SMYD4: variants seen among roughly 807,000 people sequenced by gnomAD.
SMYD4 encodes the protein SET and MYND domain containing 4, also known as protein-lysine N-methyltransferase SMYD4.
SMYD4 carries 68 observed loss-of-function variants against 72.8 expected under a neutral mutation model. That is an observed-to-expected ratio of 0.93 (90% confidence interval 0.77 to 1.14). The LOEUF (loss-of-function observed/expected upper bound fraction) is 1.14, where lower values mean the gene tolerates loss of function less well. SMYD4 is among the 50% of genes most tolerant of loss of function. The pLI, the probability that SMYD4 is intolerant of heterozygous loss-of-function variation, is 0.00. For synonymous variants in SMYD4, 407 were observed against 388.6 expected (o/e 1.05, Z -0.56); for missense variants, 984 against 1,003.7 (o/e 0.98, Z 0.27).
chr17:1,781,542 A>G, intron 10 of SMYD4, 103 bp from the exon 11 acceptor site: 1 of 1,350,538 alleles, frequency 7.4e-7, no homozygotes, highest in Non-Finnish European at 1.0e-6. Context: ...CATTTCTGTC[A>G]TCAAGGATCC....
intron 4 of SMYD4, chr17:1,804,316 G>A (rs139844418): frequency 1.1e-3 from 288 of 265,284 alleles, no homozygotes; most frequent in African/African-American, 6.0e-3. Context: ...GACTACAGAT[G>A]CATGCTACTA....
Position 1,800,577 on chromosome 17 carries a change from C to T in SMYD4, c.817G>A (p.Glu273Lys), listed in dbSNP as rs1340752094. Residue 273 changes from glutamate (E) to lysine (K), a missense_variant, in exon 5 of 11, where the codon GAA becomes AAA. By Grantham distance (56) the Glu-to-Lys change is moderately conservative. Coordinates refer to ENST00000305513, the MANE Select transcript of SMYD4 (RefSeq NM_052928.3). ...AGGCCGTGATGCGGTGGTGGCAGTT[C>T]TCCTGGGTTGAGAACACTCACAAAA... The part of the protein sequence containing the change: ...DAFVSVLNPG[E>K]LPPPHHGLDS... 5 of 1,614,080 alleles carry T rather than the reference C, an allele frequency of 3.1e-6. No individual in the cohort carries two copies. The Admixed American group carries it at 8.3e-5, about 27-fold the overall frequency.
chr17:1,826,491 C>CAAAAAAAAAAAAAAAAA (rs111636314), intron 2 of SMYD4, among the ~76,000 whole-genome samples: 4 of 103,056 alleles, frequency 3.9e-5, no homozygotes, highest in African/African-American at 6.3e-5. Flanking sequence ...AAACTCTGTC[C>CAAAAAAAAAAAAAAAAA]AAAAAAAAAA....
In SMYD4 at chr17:1,825,285, G is replaced by C. The variant is rs1001343750; in HGVS notation, c.134+2576C>G. The stretch of plus-strand genomic sequence containing the variant: ...ATAGTACACAAAATCAATTGGAGAT[G>C]TATACATACATCATAACATAATGTT... On this transcript the variant is annotated intron_variant, in intron 2 of 10. Coordinates refer to ENST00000305513, the MANE Select transcript of SMYD4 (RefSeq NM_052928.3). 2.0e-5 allele frequency among the ~76,000 whole-genome samples: 3 copies of C among 152,140 alleles called. 1 individual carries two copies. The highest frequency in any genetic ancestry group is 2.0e-4 in the Admixed American group (3 of 15,268).
intron 2 of SMYD4, among the ~76,000 whole-genome samples, chr17:1,815,140 T>C (rs1710743572): frequency 6.6e-6 from 1 of 151,922 alleles, no homozygotes; most frequent in African/African-American, 2.4e-5. Flanking sequence ...CTCGGCTCAC[T>C]GCAACATCTG....
intron 4 of SMYD4, among the ~76,000 whole-genome samples, chr17:1,802,427 G>T (rs1358501221): frequency 6.6e-6 from 1 of 152,086 alleles, no homozygotes; most frequent in African/African-American, 2.4e-5. Context: ...CCAGGAGTTT[G>T]AGATCACAGT....
At chr17:1,784,259 T>C in intron 8 of SMYD4, 67 bp downstream of exon 8, 2 of 1,604,990 alleles carry the variant, frequency 1.2e-6, no homozygotes, top group Non-Finnish European at 1.7e-6. Flanking sequence ...TATCCCTGAG[T>C]CCAAAACGGT....
intron 4 of SMYD4, among the ~76,000 whole-genome samples, chr17:1,801,592 G>A (rs113362285): frequency 0.023 from 2,338 of 100,376 alleles, 31 homozygotes; most frequent in Non-Finnish European, 0.037. Context: ...ATGAATAGAA[G>A]AATTATAGCA....
chr17:1,800,295 T>C lies in SMYD4; in HGVS notation c.1099A>G (p.Ile367Val), dbSNP rs765771127. Reference sequence around the variant, plus strand: ...CTAATCTTATCACAAAGCTTCGTTATGATTTTGCGAACATCCTCAAATCCC... The same window carrying C: ...CTAATCTTATCACAAAGCTTCGTTACGATTTTGCGAACATCCTCAAATCCC... ...LVGFEDVRKI[I>V]TKLCDKISNK... The change falls in exon 5 of 11, where the codon ATA (isoleucine) becomes GTA (valine). Residue 367 changes from isoleucine (I) to valine (V), a missense_variant. Coordinates refer to ENST00000305513, the MANE Select transcript of SMYD4 (RefSeq NM_052928.3). The C allele has an allele frequency of 1.1e-5, 18 of 1,614,084 alleles. No homozygotes were observed. In the African/African-American group the frequency reaches 1.2e-4, roughly 11 times the overall value.
At chr17:1,789,745 A>T (rs1908916534) in intron 5 of SMYD4, among the ~76,000 whole-genome samples, 1 of 112,962 alleles carries the variant, frequency 8.9e-6, no homozygotes, top group Non-Finnish European at 1.9e-5. Flanking sequence ...AGCCTGGGTG[A>T]AAGAGCGAGA....
At chr17:1,783,737 C>T (rs1442433910) in intron 8 of SMYD4, 3 of 542,236 alleles carry the variant, frequency 5.5e-6, no homozygotes, top group Non-Finnish European at 9.6e-6. Flanking sequence ...ACTCGACCAA[C>T]TCTACCTTTC....
chr17:1,800,643 T>C lies in SMYD4; in HGVS notation c.751A>G (p.Lys251Glu), dbSNP rs1442099381. Reference protein sequence around the residue: ...PLKGRCLVATKDILPGELLVQ... With the variant: ...PLKGRCLVATEDILPGELLVQ... ...AGGAGCTCTCCTGGGAGAATATCTT[T>C]TGTGGCAACGAGACAGCGACCTTTT... is the stretch of plus-strand genomic sequence containing the variant. Residue 251 changes from lysine (K) to glutamate (E), a missense_variant, in exon 5 of 11, where the codon AAA becomes GAA. Transcript: ENST00000305513. 2.5e-6 allele frequency: 4 copies of C among 1,614,146 alleles called. No homozygotes were observed. The highest frequency in any genetic ancestry group is 2.7e-5 in the African/African-American group (2 of 75,022).
chr17:1,816,213 T>C (rs1390627804), intron 2 of SMYD4, among the ~76,000 whole-genome samples: 1 of 152,220 alleles, frequency 6.6e-6, no homozygotes, highest in Non-Finnish European at 1.5e-5. Context: ...AGGTATTTCA[T>C]GTAAATGTAA....
chr17:1,809,578 T>C (rs1179290547), intron 3 of SMYD4, among the ~76,000 whole-genome samples: 3 of 149,598 alleles, frequency 2.0e-5, no homozygotes, highest in African/African-American at 7.4e-5. Context: ...GGTTTCACCA[T>C]GTTGGTCAGG....
intron 2 of SMYD4, among the ~76,000 whole-genome samples, chr17:1,819,460 G>A (rs1477540608): frequency 6.6e-6 from 1 of 152,142 alleles, no homozygotes; most frequent in Non-Finnish European, 1.5e-5. Context: ...TGGAAGCTAA[G>A]TTTGGTCACT....
rs371843964 is a variant in SMYD4 at position 1,800,130 on chromosome 17, A to T, written c.1264T>A (p.Tyr422Asn). Residue 422 changes from tyrosine (Y) to asparagine (N), a missense_variant, in exon 5 of 11, where the codon TAT becomes AAT. Coordinates refer to ENST00000305513, the MANE Select transcript of SMYD4 (RefSeq NM_052928.3). ...CDINGKYENN[Y>N]NAVFNLLPHT... The stretch of plus-strand genomic sequence containing the variant: ...GGCAAAAGGTTGAAGACAGCATTAT[A>T]ATTATTTTCATACTTCCCATTAATA... 1.1e-4 allele frequency: 181 copies of T among 1,610,714 alleles called. No homozygotes were observed. The Middle Eastern group carries it at 2.5e-3, about 22-fold the overall frequency.
chr17:1,792,330 C>T (rs1006149007), intron 5 of SMYD4, among the ~76,000 whole-genome samples: 12 of 151,984 alleles, frequency 7.9e-5, no homozygotes, highest in African/African-American at 2.2e-4. Context: ...TGAGCCACCA[C>T]GCCTGGCCTA....
At chr17:1,814,704 G>A (rs1910500344) in intron 2 of SMYD4, 1 of 152,136 alleles carries the variant, frequency 6.6e-6, no homozygotes, top group Admixed American at 6.6e-5. Context: ...AGCACTTGTA[G>A]TCTCAGCTAT....
At chr17:1,808,739 C>CATTT (rs1910172857) in intron 3 of SMYD4, among the ~76,000 whole-genome samples, 1 of 152,104 alleles carries the variant, frequency 6.6e-6, no homozygotes, top group Non-Finnish European at 1.5e-5. Flanking sequence ...AAGAACTTCC[C>CATTT]ATGTGATCAC....
Sources: gnomAD v4.1 joint callset for allele counts (sites outside exome capture counted in the v4.1 genomes callset) on GRCh38, gnomAD v4.1.1 for gene constraint, MANE v1.5 for transcripts, NCBI Gene and HGNC (gene_info 2026-07-23, HGNC 2026-07-21) for gene names.